Variants in ATG2B observed in about 807,000 individuals in gnomAD.
The protein encoded by ATG2B is autophagy related 2B, also known as autophagy-related protein 2 homolog B.
Under a neutral mutation model 241.3 loss-of-function variants are expected in ATG2B, and 121 were observed. The ratio of observed to expected loss-of-function variants is 0.50; its 90% CI spans 0.43 to 0.58. ATG2B has a LOEUF of 0.58. Ranked by LOEUF, ATG2B falls within the 20% of genes least tolerant of loss-of-function variation. ATG2B has a pLI of 0.00. For missense variants in ATG2B, 2,306 were observed against 2,491.6 expected (o/e 0.93, Z 1.59); for synonymous variants, 858 against 876.6 (o/e 0.98, Z 0.37).
chr14:96,319,430 T>C (rs947386329), intron 18 of ATG2B, among the ~76,000 whole-genome samples: 18 of 152,206 alleles, frequency 1.2e-4, no homozygotes, highest in African/African-American at 4.3e-4. Flanking sequence ...AATTCTTTTT[T>C]ATATTCTATT....
chr14:96,279,784 T>C lies in ATG2B; in HGVS notation c.*5971A>G, dbSNP rs951628505. On this transcript the variant is annotated 3_prime_UTR_variant, in exon 42 of 42. Coordinates refer to ENST00000359933, the MANE Select transcript of ATG2B (RefSeq NM_018036.7). The stretch of plus-strand genomic sequence containing the variant: ...CCCAGTGATTTTTAACAGGGGATTT[T>C]TGTCATATTTGGCATATTTGGCCAT... The C allele has an allele frequency of 2.0e-5, 3 of 152,210 alleles. No individual in the cohort carries two copies. The highest frequency in any genetic ancestry group is 2.9e-5 in the Non-Finnish European group (2 of 68,096). 9.4% of individuals were successfully genotyped at this position (152,210 alleles called of 1,614,324 possible).
chr14:96,362,927 A>C lies in ATG2B; in HGVS notation c.50T>G (p.Leu17Arg). The change falls in exon 1 of 42, where the codon CTC becomes CGC. Residue 17 changes from leucine (L) to arginine (R), a missense_variant. Leu to Arg is a moderately radical substitution (Grantham distance 102). Transcript: ENST00000359933. ...ESIKKRACRY[L>R]LQRYLGHFLQ... ...AAAGTGGCCCAGGTACCTCTGCAGG[A>C]GGTACCGGCAGGCCCTCTTCTTGAT... is the stretch of plus-strand genomic sequence containing the variant. 6.2e-7 allele frequency: 1 copy of C among 1,613,626 alleles called. No homozygotes were observed. The highest frequency in any genetic ancestry group is 8.5e-7 in the Non-Finnish European group (1 of 1,179,956).
chr14:96,289,843 G>T lies in ATG2B; in HGVS notation c.5857-38C>A. On this transcript the variant is annotated intron_variant, in intron 40 of 41. Coordinates refer to ENST00000359933, the MANE Select transcript of ATG2B (RefSeq NM_018036.7). The surrounding 1 kb of genome is among the most constrained non-coding windows in gnomAD (Gnocchi z 4.3). ...GTCAAAAGGAAGAAATGAATTAGAA[G>T]AAAGTCTGAAGAGTTACGGACCAGC... The T allele has an allele frequency of 6.2e-7, 1 of 1,611,452 alleles. No individual in the cohort carries two copies.
intron 15 of ATG2B, among the ~76,000 whole-genome samples, chr14:96,324,923 A>G (rs1171204679): frequency 6.6e-6 from 1 of 152,104 alleles, no homozygotes. Context: ...GTGGTTGCGG[A>G]GAGAGGGTGT....
Position 96,290,509 on chromosome 14 carries a change from C to A in ATG2B, c.5783G>T (p.Gly1928Val). ...TGTCGAGGTACCAAAGGAAGCAGCGCCTCTCTGAAACCCTCTGACAATGCG... is the reference window on the plus strand; with the variant it reads ...TGTCGAGGTACCAAAGGAAGCAGCGACTCTCTGAAACCCTCTGACAATGCG... ...DGRIVRGFQRGAASFGTSTAM... is the reference protein window; with the variant it reads ...DGRIVRGFQRVAASFGTSTAM... Residue 1928 changes from glycine (G) to valine (V), a missense_variant, in exon 40 of 42, where the codon GGC becomes GTC. Physicochemically the swap from Gly to Val is moderately radical, Grantham distance 109 (BLOSUM62 -3). Coordinates refer to ENST00000359933, the MANE Select transcript of ATG2B (RefSeq NM_018036.7). This position sits in a 1 kb window ranked among gnomAD's most constrained non-coding sequence, Gnocchi z 4.4. The A allele has an allele frequency of 6.2e-7, 1 of 1,614,198 alleles. No individual in the cohort carries two copies. The highest frequency in any genetic ancestry group is 8.5e-7 in the Non-Finnish European group (1 of 1,180,038).
intron 29 of ATG2B, among the ~76,000 whole-genome samples, chr14:96,309,106 C>T (rs1887080503): frequency 6.6e-6 from 1 of 152,136 alleles, no homozygotes; most frequent in Admixed American, 6.5e-5. Flanking sequence ...TAAAATTATC[C>T]CAATCCTTTC....
intron 34 of ATG2B, among the ~76,000 whole-genome samples, chr14:96,299,608 G>C (rs1433523975): frequency 1.3e-5 from 2 of 152,026 alleles, no homozygotes; most frequent in Non-Finnish European, 2.9e-5. Flanking sequence ...CAGGAAATCC[G>C]GCCCCCTTCC....
chr14:96,287,368 T>C (rs990695730), intron 41 of ATG2B, among the ~76,000 whole-genome samples: 1 of 152,052 alleles, frequency 6.6e-6, no homozygotes, highest in East Asian at 1.9e-4. Context: ...ACAACAATGT[T>C]TACAACTTGT....
intron 6 of ATG2B, among the ~76,000 whole-genome samples, chr14:96,337,912 G>C (rs908340941): frequency 1.3e-5 from 2 of 152,116 alleles, no homozygotes; most frequent in African/African-American, 4.8e-5. Flanking sequence ...ATGAGTATGG[G>C]ATGTGTTTCC....
chr14:96,322,741 A>G lies in ATG2B; in HGVS notation c.2541-6T>C. The G allele has an allele frequency of 6.2e-7, 1 of 1,607,118 alleles. No individual in the cohort carries two copies. Among genetic ancestry groups the G allele is most frequent in the East Asian group, 2.2e-5 (1 of 44,804 alleles). On this transcript the variant is annotated splice_region_variant and splice_polypyrimidine_tract_variant and intron_variant, in intron 16 of 41. Coordinates refer to ENST00000359933, the MANE Select transcript of ATG2B (RefSeq NM_018036.7). ...GATTTATTTTCAGTACAATTCTGAT[A>G]GCAAAGACAATTTTAAAAAGACCAA...
chr14:96,355,397 T>A (rs571861228), intron 1 of ATG2B, among the ~76,000 whole-genome samples: 1 of 152,170 alleles, frequency 6.6e-6, no homozygotes, highest in Non-Finnish European at 1.5e-5. Flanking sequence ...CCTTTCCGCA[T>A]TGCTTGTTTG....
intron 6 of ATG2B, among the ~76,000 whole-genome samples, chr14:96,334,932 T>C (rs994680341): frequency 2.0e-5 from 3 of 152,298 alleles, no homozygotes; most frequent in Middle Eastern, 3.4e-3. Context: ...ACACTACCAA[T>C]CATACTCTAG....
chr14:96,343,342 C>T (rs1021274674), intron 4 of ATG2B, 61 bp from the exon 5 acceptor site: 15 of 1,233,658 alleles, frequency 1.2e-5, no homozygotes, highest in Non-Finnish European at 1.4e-5. Context: ...ACCAGCATGG[C>T]ACATGTATAC....
intron 37 of ATG2B, 144 bp downstream of exon 37, chr14:96,291,885 C>A: frequency 1.6e-6 from 1 of 640,246 alleles, no homozygotes; most frequent in Non-Finnish European, 2.5e-6. Flanking sequence ...TAAATATTTA[C>A]ATTAAAAACA....
chr14:96,307,142 T>C (rs1350301176), intron 29 of ATG2B, among the ~76,000 whole-genome samples: 1 of 152,136 alleles, frequency 6.6e-6, no homozygotes, highest in African/African-American at 2.4e-5. Flanking sequence ...CCAGGCATGG[T>C]GGCTCATGCC....
At chr14:96,350,014 G>T (rs1265352156) in intron 1 of ATG2B, among the ~76,000 whole-genome samples, 1 of 152,150 alleles carries the variant, frequency 6.6e-6, no homozygotes, top group Non-Finnish European at 1.5e-5. Flanking sequence ...AAATTAACCA[G>T]GTGTAGTGGC....
chr14:96,298,989 G>T (rs1765094496), intron 34 of ATG2B, among the ~76,000 whole-genome samples: 1 of 152,074 alleles, frequency 6.6e-6, no homozygotes, highest in Non-Finnish European at 1.5e-5. Flanking sequence ...AAGATCCTAT[G>T]ATAAAGGATA....
intron 41 of ATG2B, among the ~76,000 whole-genome samples, chr14:96,288,974 T>A (rs1886411335): frequency 6.6e-6 from 1 of 152,106 alleles, no homozygotes; most frequent in Admixed American, 6.5e-5. Context: ...TAGTGGTGTT[T>A]CAGGGGAAAA....
chr14:96,361,075 G>A (rs1381260581), intron 1 of ATG2B, among the ~76,000 whole-genome samples: 1 of 151,944 alleles, frequency 6.6e-6, no homozygotes, highest in Non-Finnish European at 1.5e-5. Context: ...AACAGCAAAT[G>A]TTTACTGGAT....
Sources: allele counts gnomAD v4.1 joint callset (sites outside exome capture counted in the v4.1 genomes callset), GRCh38; gene constraint gnomAD v4.1.1; non-coding constraint Gnocchi (gnomAD v3.1); transcripts MANE v1.5; gene names NCBI Gene and HGNC (gene_info 2026-07-23, HGNC 2026-07-21).